The following KDM4B variants were observed in gnomAD, a reference collection of about 807,000 sequenced individuals.
The protein encoded by KDM4B is lysine demethylase 4B.
KDM4B carries 32 observed loss-of-function variants against 125.2 expected under a neutral mutation model. The ratio of observed to expected loss-of-function variants is 0.26; its 90% CI spans 0.19 to 0.34. The LOEUF is 0.34. Among genes scored for constraint, KDM4B ranks in the 10% least tolerant of loss-of-function variants. KDM4B has a pLI of 1.00. For missense variants in KDM4B, 1,190 were observed against 1,577.7 expected (o/e 0.75, Z 4.16); for synonymous variants, 721 against 677.9 (o/e 1.06, Z -0.99).
In KDM4B at chr19:5,081,401, T is replaced by G. The variant is rs2038290142; in HGVS notation, c.781-966T>G. On this transcript the variant is annotated intron_variant, in intron 8 of 22. Coordinates refer to ENST00000159111, the MANE Select transcript of KDM4B (RefSeq NM_015015.3). The surrounding 1 kb of genome is among the most constrained non-coding windows in gnomAD (Gnocchi z 4.2). The stretch of plus-strand genomic sequence containing the variant: ...TGGGGGTCAGTGTGGCCATCTCGAG[T>G]GTCCCCAGAGTGGGGAGGGTTCCTA... 6.6e-6 allele frequency among the ~76,000 whole-genome samples: 1 copy of G among 152,046 alleles called. No individual in the cohort carries two copies. Among genetic ancestry groups the G allele is most frequent in the Admixed American group, 6.5e-5 (1 of 15,268 alleles).
chr19:5,142,983 C>T lies in KDM4B; in HGVS notation c.2551-984C>T, dbSNP rs1319569015. Among the ~76,000 whole-genome samples, 3 of 151,956 alleles carry T rather than the reference C, an allele frequency of 2.0e-5. No individual in the cohort carries two copies. Among genetic ancestry groups the T allele is most frequent in the South Asian group, 4.2e-4 (2 of 4,806 alleles). ...CCTCAAGGGATGAAAGGTGGCTCTC[C>T]GGTGCTCCCTCCTCACCAAGGAGGC... is the stretch of plus-strand genomic sequence containing the variant. On this transcript the variant is annotated intron_variant, in intron 18 of 22. Transcript: ENST00000159111. This position sits in a 1 kb window ranked among gnomAD's most constrained non-coding sequence, Gnocchi z 5.4.
chr19:5,144,592 C>T (rs1046537885), intron 20 of KDM4B, among the ~76,000 whole-genome samples, 180 bp downstream of exon 20: 14 of 152,340 alleles, frequency 9.2e-5, no homozygotes, highest in Admixed American at 3.9e-4. Context: ...AGGAAAAGCA[C>T]CGCTCACTGT....
intron 6 of KDM4B, among the ~76,000 whole-genome samples, chr19:5,065,365 T>C (rs2037736021): frequency 6.6e-6 from 1 of 152,290 alleles, no homozygotes; most frequent in Non-Finnish European, 1.5e-5. Flanking sequence ...CACACTCATT[T>C]AATTTTTAAC....
chr19:5,083,543 C>T lies in KDM4B; in HGVS notation c.918+1039C>T, dbSNP rs113755377. ...CCAGGGCTGTCCCTGAAGTCCCCTGCGTGCTTTTCCTGGCTGCCCCCAAGT... is the reference window on the plus strand; with the variant it reads ...CCAGGGCTGTCCCTGAAGTCCCCTGTGTGCTTTTCCTGGCTGCCCCCAAGT... On this transcript the variant is annotated intron_variant, in intron 9 of 22. Transcript: ENST00000159111. 1.5e-3 allele frequency among the ~76,000 whole-genome samples: 222 copies of T among 152,304 alleles called. 1 individual carries two copies. The highest frequency in any genetic ancestry group is 5.1e-3 in the African/African-American group (212 of 41,558).
At chr19:5,080,233 G>T (rs997047538) in intron 8 of KDM4B, among the ~76,000 whole-genome samples, 1 of 152,212 alleles carries the variant, frequency 6.6e-6, no homozygotes, top group Non-Finnish European at 1.5e-5. Context: ...TGTCAGTTTT[G>T]ATTGATGTCT....
At chr19:5,125,623 G>A (rs1213997980) in intron 11 of KDM4B, among the ~76,000 whole-genome samples, 3 of 152,198 alleles carry the variant, frequency 2.0e-5, no homozygotes, top group East Asian at 3.8e-4. Flanking sequence ...AGGAGGCTGG[G>A]CCTGGTGCAT....
intron 2 of KDM4B, among the ~76,000 whole-genome samples, chr19:5,018,788 A>G (rs2035969544): frequency 6.6e-6 from 1 of 152,196 alleles, no homozygotes; most frequent in Non-Finnish European, 1.5e-5. Flanking sequence ...TGTCCTGGAC[A>G]TCTCATAGAA....
chr19:5,152,810 T>C lies in KDM4B; in HGVS notation c.*1299T>C, dbSNP rs1299048663. On this transcript the variant is annotated 3_prime_UTR_variant, in exon 23 of 23. Transcript: ENST00000159111. Reference sequence around the variant, plus strand: ...AGGGATGGAGGAGATAATTTGCTTATATTAAAAACAAAAAATGGCTGAGGC... The same window carrying C: ...AGGGATGGAGGAGATAATTTGCTTACATTAAAAACAAAAAATGGCTGAGGC... 1 of 152,258 alleles carries C rather than the reference T, an allele frequency of 6.6e-6. No homozygotes were observed. The highest frequency in any genetic ancestry group is 2.4e-5 in the African/African-American group (1 of 41,450). 9.4% of individuals were successfully genotyped at this position (152,258 alleles called of 1,614,324 possible). A position where few individuals can be genotyped will look rare whatever the true frequency, so the allele number is the denominator to read the frequency against.
rs1359995300 is a variant in KDM4B at position 5,082,617 on chromosome 19, CCTGGGCTCTCAACCAGGGT to C, written c.918+117_918+135del. On this transcript the variant is annotated intron_variant, in intron 9 of 22. Transcript: ENST00000159111. This position sits in a 1 kb window ranked among gnomAD's most constrained non-coding sequence, Gnocchi z 5.4. ...AGCAGCCGTTTCGCTCAGCCCAGGG[CCTGGGCTCTCAACCAGGGT>C]CTGATTCTGGGCTCCTCAGAGAGCT... 18 of 1,193,582 alleles carry C rather than the reference CCTGGGCTCTCAACCAGGGT, an allele frequency of 1.5e-5. No individual in the cohort carries two copies. In the African/African-American group the frequency reaches 2.5e-4, roughly 17 times the overall value. 73.9% of individuals were successfully genotyped at this position (1,193,582 alleles called of 1,614,324 possible).
chr19:5,043,241 T>TG (rs1255512263), intron 5 of KDM4B, among the ~76,000 whole-genome samples: 4 of 139,288 alleles, frequency 2.9e-5, no homozygotes, highest in Admixed American at 2.2e-4. Context: ...TTTATCGGAG[T>TG]GGGGTGTCCA....
intron 1 of KDM4B, among the ~76,000 whole-genome samples, chr19:4,992,436 A>C (rs951801073): frequency 2.6e-5 from 4 of 151,564 alleles, no homozygotes; most frequent in African/African-American, 9.7e-5. Context: ...GTACTGCTTT[A>C]GCTGCAACCT....
At chr19:5,149,164 G>A (rs2039902927) in intron 21 of KDM4B, among the ~76,000 whole-genome samples, 1 of 152,252 alleles carries the variant, frequency 6.6e-6, no homozygotes, top group South Asian at 2.1e-4. Context: ...CAGGGTCTGT[G>A]CTCCCTTGGA....
intron 15 of KDM4B, among the ~76,000 whole-genome samples, chr19:5,136,300 G>A (rs890299670): frequency 1.3e-5 from 2 of 152,188 alleles, no homozygotes; most frequent in African/African-American, 4.8e-5. Context: ...CCTGAGGCTC[G>A]ACCATGGTCA....
At chr19:5,063,323 C>A (rs2037664154) in intron 6 of KDM4B, among the ~76,000 whole-genome samples, 2 of 152,094 alleles carry the variant, frequency 1.3e-5, no homozygotes, top group African/African-American at 4.8e-5. Flanking sequence ...CTTGCGTGTT[C>A]TTTGTTGGTG....
chr19:5,146,936 C>A (rs1390502664), intron 21 of KDM4B, among the ~76,000 whole-genome samples: 1 of 83,058 alleles, frequency 1.2e-5, no homozygotes, highest in Non-Finnish European at 2.3e-5. Context: ...GAGACCCTGT[C>A]TCCAAAAAAA....
chr19:5,005,056 G>A (rs913108748), intron 1 of KDM4B, among the ~76,000 whole-genome samples: 3 of 152,166 alleles, frequency 2.0e-5, no homozygotes, highest in Non-Finnish European at 4.4e-5. Context: ...TGTGTGTGCC[G>A]GCCTGTCCTG....
intron 6 of KDM4B, among the ~76,000 whole-genome samples, chr19:5,058,074 C>A (rs2145759066): frequency 6.6e-6 from 1 of 152,378 alleles, no homozygotes; most frequent in South Asian, 2.1e-4. Flanking sequence ...GTCACGTGGC[C>A]ACACCTTGCA....
At chr19:5,045,115 C>T (rs74172679) in intron 5 of KDM4B, among the ~76,000 whole-genome samples, 11,239 of 152,136 alleles carry the variant, frequency 0.074, 486 homozygotes, top group Middle Eastern at 0.14. Context: ...TTTTTTAAGA[C>T]GCCACCAAAC....
Position 5,131,313 on chromosome 19 carries a change from T to A in KDM4B, c.1553T>A (p.Leu518Gln). ...VVPPEVPSEE[L>Q]EAKPRPIIPM... ...CCCCCTGAGGTGCCCAGTGAGGAGCTAGAGGCCAAGCCTCGGCCCATCATC... is the reference window on the plus strand; with the variant it reads ...CCCCCTGAGGTGCCCAGTGAGGAGCAAGAGGCCAAGCCTCGGCCCATCATC... Residue 518 changes from leucine to glutamine, a missense_variant, in exon 12 of 23, where the codon CTA (leucine) becomes CAA (glutamine). This residue lies in a region of KDM4B where 428 missense variants were observed against 405.1 expected (regional missense o/e 1.06). Transcript: ENST00000159111. 1 of 1,612,172 alleles carries A rather than the reference T, an allele frequency of 6.2e-7. No homozygotes were observed. The highest frequency in any genetic ancestry group is 8.5e-7 in the Non-Finnish European group (1 of 1,179,830).
Sources: gnomAD v4.1 joint callset for allele counts (sites outside exome capture counted in the v4.1 genomes callset) on GRCh38, gnomAD v4.1.1 for gene constraint, gnomAD v4.1.1 regional missense constraint, Gnocchi (gnomAD v3.1) non-coding constraint, MANE v1.5 for transcripts, NCBI Gene and HGNC (gene_info 2026-07-23, HGNC 2026-07-21) for gene names.